Variants in STIP1 observed in about 807,000 individuals in gnomAD.
The protein encoded by STIP1 is stress induced phosphoprotein 1, also known as stress-induced-phosphoprotein 1.
Under a neutral mutation model 77.4 loss-of-function variants are expected in STIP1, and 16 were observed. That is an observed-to-expected ratio of 0.21 (90% confidence interval 0.14 to 0.31). The LOEUF is 0.31. Ranked by LOEUF, STIP1 falls within the 10% of genes least tolerant of loss-of-function variation. The pLI, the probability that STIP1 is intolerant of heterozygous loss-of-function variation, is 1.00. For missense variants in STIP1, 524 were observed against 684.8 expected (o/e 0.77, Z 2.62); for synonymous variants, 258 against 246.6 (o/e 1.05, Z -0.44).
chr11:64,199,150 G>A (rs1216225882), intron 8 of STIP1, among the ~76,000 whole-genome samples: 3 of 148,080 alleles, frequency 2.0e-5, no homozygotes, highest in Admixed American at 6.8e-5. Context: ...GCAGTGAGCC[G>A]AGATCATGCC....
chr11:64,202,775 G>C, intron 10 of STIP1, 101 bp from the exon 11 acceptor site: 1 of 1,317,256 alleles, frequency 7.6e-7, no homozygotes, highest in Non-Finnish European at 1.1e-6. Flanking sequence ...TCTGTTTGGT[G>C]CTGGGTGAGG....
chr11:64,188,367 A>T (rs1157306214), intron 1 of STIP1, among the ~76,000 whole-genome samples: 1 of 151,688 alleles, frequency 6.6e-6, no homozygotes, highest in Non-Finnish European at 1.5e-5. Flanking sequence ...AAAGAAAAGA[A>T]ACGATTTCTG....
chr11:64,194,221 C>A lies in STIP1; in HGVS notation c.252C>A (p.Phe84Leu). The A allele has an allele frequency of 6.2e-7, 1 of 1,614,148 alleles. No individual in the cohort carries two copies. The highest frequency in any genetic ancestry group is 8.5e-7 in the Non-Finnish European group (1 of 1,180,044). The stretch of plus-strand genomic sequence containing the variant: ...CACGAAAAGCAGCAGCTCTAGAGTT[C>A]TTAAACCGCTTTGAAGAAGCCAAGC... ...GYSRKAAALE[F>L]LNRFEEAKRT... Residue 84 changes from phenylalanine to leucine, a missense_variant, in exon 3 of 14, where the codon TTC becomes TTA. Transcript: ENST00000305218.
intron 5 of STIP1, 147 bp from the exon 6 acceptor site, chr11:64,197,124 T>C: frequency 9.9e-7 from 1 of 1,010,800 alleles, no homozygotes; most frequent in Non-Finnish European, 1.4e-6. Context: ...CTTTATTGTC[T>C]ATAGCTGACT....
At chr11:64,190,769 A>C (rs565381919) in intron 1 of STIP1, among the ~76,000 whole-genome samples, 1 of 152,140 alleles carries the variant, frequency 6.6e-6, no homozygotes, top group African/African-American at 2.4e-5. Context: ...CTGAGGCAGG[A>C]GGGTTGCTTT....
At chr11:64,185,808 C>T (rs1240436134), upstream of STIP1, 1 of 1,535,734 alleles carries the variant, frequency 6.5e-7, no homozygotes, top group African/African-American at 1.4e-5. Context: ...CGCTCTCATT[C>T]TGAAGGCGGT....
intron 13 of STIP1, 189 bp from the exon 14 acceptor site, chr11:64,203,865 G>A (rs1201629004): frequency 1.4e-5 from 11 of 789,988 alleles, no homozygotes; most frequent in Admixed American, 5.3e-5. Flanking sequence ...AAGCTGTGTC[G>A]TGGGCTCAAG....
At chr11:64,186,547 G>C (rs1946020187) in intron 1 of STIP1, 4 of 284,398 alleles carry the variant, frequency 1.4e-5, no homozygotes, top group Non-Finnish European at 2.5e-5. Context: ...GGCGGGAAGA[G>C]GGGTCGCGAC....
intron 7 of STIP1, 120 bp downstream of exon 7, chr11:64,197,715 T>C (rs1479004943): frequency 1.9e-6 from 3 of 1,548,646 alleles, no homozygotes; most frequent in African/African-American, 2.7e-5. Flanking sequence ...AAGAAAGGGC[T>C]GGCAAGAAGG....
intron 5 of STIP1, 187 bp downstream of exon 5, chr11:64,196,000 G>T (rs1946146334): frequency 1.3e-6 from 1 of 763,768 alleles, no homozygotes; most frequent in Non-Finnish European, 2.1e-6. Flanking sequence ...CTTCAGCTAG[G>T]ATTACAGTCA....
At chr11:64,190,166 AATTT>A (rs977297708) in intron 1 of STIP1, among the ~76,000 whole-genome samples, 13 of 151,598 alleles carry the variant, frequency 8.6e-5, no homozygotes, top group African/African-American at 2.4e-4. Flanking sequence ...ACATCCGGGC[AATTT>A]ATTTATTTAT....
intron 8 of STIP1, among the ~76,000 whole-genome samples, chr11:64,199,124 CAGTG>C (rs1378303532): frequency 6.6e-6 from 1 of 151,214 alleles, no homozygotes; most frequent in African/African-American, 2.4e-5. Flanking sequence ...CGCTTGAACT[CAGTG>C]GGGCGGAGGT....
At chr11:64,198,035 T>TA (rs758208195) in intron 8 of STIP1, 61 bp downstream of exon 8, 3 of 1,557,112 alleles carry the variant, frequency 1.9e-6, no homozygotes, top group Non-Finnish European at 2.6e-6. Flanking sequence ...CATTGTTTCT[T>TA]ACTGTTTTAT....
chr11:64,200,643 G>GTATC (rs755090829), intron 10 of STIP1, among the ~76,000 whole-genome samples: 1 of 150,660 alleles, frequency 6.6e-6, no homozygotes, highest in Non-Finnish European at 1.5e-5. Flanking sequence ...TATGGGACCT[G>GTATC]TATCTATCTA....
At chr11:64,197,247 C>T (rs776902081) in intron 5 of STIP1, 24 bp from the exon 6 acceptor site, 4 of 1,613,354 alleles carry the variant, frequency 2.5e-6, no homozygotes, top group Admixed American at 3.3e-5. Flanking sequence ...ATTTGCTCAG[C>T]ACTCACTTCT....
chr11:64,202,132 C>T (rs1385664187), intron 10 of STIP1, among the ~76,000 whole-genome samples: 5 of 152,230 alleles, frequency 3.3e-5, no homozygotes, highest in Non-Finnish European at 4.4e-5. Context: ...CCTCACCAGA[C>T]CAAGGCCTGA....
intron 10 of STIP1, 166 bp from the exon 11 acceptor site, chr11:64,202,710 T>G: frequency 1.4e-6 from 1 of 701,406 alleles, no homozygotes; most frequent in Non-Finnish European, 2.5e-6. Flanking sequence ...TCCAGGCAGT[T>G]TGTCTTGTGT....
At chr11:64,203,254 GC>G (rs746228952) in intron 12 of STIP1, 26 bp downstream of exon 12, 27 of 1,609,664 alleles carry the variant, frequency 1.7e-5, no homozygotes, top group South Asian at 3.3e-5. Flanking sequence ...GCCTCCAGGG[GC>G]CCCCCCTGCC....
chr11:64,186,432 C>T (rs931538937), intron 1 of STIP1, 162 bp downstream of exon 1: 4 of 800,748 alleles, frequency 5.0e-6, no homozygotes, highest in South Asian at 5.7e-5. Context: ...GGGCGGCGGG[C>T]GGGAGCGGGA....
Sources: allele counts gnomAD v4.1 joint callset (sites outside exome capture counted in the v4.1 genomes callset), GRCh38; gene constraint gnomAD v4.1.1; transcripts MANE v1.5; gene names NCBI Gene and HGNC (gene_info 2026-07-23, HGNC 2026-07-21).